Variants in LYRM7 observed in about 807,000 individuals in gnomAD.
LYRM7 encodes LYR motif containing 7.
Under a neutral mutation model 15.8 loss-of-function variants are expected in LYRM7, and 9 were observed. That is an observed-to-expected ratio of 0.57 (90% CI 0.34 to 0.99). The LOEUF is 0.99. Among genes scored for constraint, LYRM7 ranks in the 50% least tolerant of loss-of-function variants. LYRM7 has a pLI of 0.02. For missense variants in LYRM7, 115 were observed against 119.1 expected (o/e 0.97, Z 0.16); for synonymous variants, 39 against 39.4 (o/e 0.99, Z 0.04).
At chr5:131,179,455 C>CTTTTTTTTTTTTTTTTCT (rs1755654309) in intron 1 of LYRM7, among the ~76,000 whole-genome samples, 1 of 95,358 alleles carries the variant, frequency 1.0e-5, no homozygotes, top group African/African-American at 4.2e-5. Flanking sequence ...TTTTTCTTTT[C>CTTTTTTTTTTTTTTTTCT]TTTTTTTTTT....
At position 131,203,979 on chromosome 5, in the gene LYRM7, A is replaced by C. The variant is rs750227730; in HGVS notation, c.*4378A>C. On this transcript the variant is annotated 3_prime_UTR_variant, in exon 5 of 5. Transcript: ENST00000379380. ...AAATTAAAATGAAACATGTTTGTTC[A>C]TCAAGTTGTCACAAGTTAGACAATC... 2.0e-5 allele frequency: 3 copies of C among 152,246 alleles called. No homozygotes were observed. Among genetic ancestry groups the C allele is most frequent in the Non-Finnish European group, 4.4e-5 (3 of 68,034 alleles). 9.4% of individuals were successfully genotyped at this position (152,246 alleles called of 1,614,324 possible). A position where few individuals can be genotyped will look rare whatever the true frequency, so the allele number is the denominator to read the frequency against.
chr5:131,176,008 C>T (rs1022855423), intron 1 of LYRM7, among the ~76,000 whole-genome samples: 8 of 152,326 alleles, frequency 5.3e-5, no homozygotes, highest in Non-Finnish European at 8.8e-5. Flanking sequence ...GATCCACCCA[C>T]CTCAGCTTCC....
At chr5:131,177,077 TTTC>T (rs1237856802) in intron 1 of LYRM7, among the ~76,000 whole-genome samples, 1 of 152,184 alleles carries the variant, frequency 6.6e-6, no homozygotes, top group Non-Finnish European at 1.5e-5. Context: ...TTTTTTCCCA[TTTC>T]TTCATCTTTA....
intron 3 of LYRM7, among the ~76,000 whole-genome samples, chr5:131,185,400 C>T (rs1475873392): frequency 1.3e-5 from 2 of 152,082 alleles, no homozygotes; most frequent in African/African-American, 4.8e-5. Context: ...ATGCTGTTGC[C>T]TCTTCTTGGG....
intron 4 of LYRM7, among the ~76,000 whole-genome samples, chr5:131,189,960 CT>C (rs1450035932): frequency 6.6e-6 from 1 of 151,728 alleles, no homozygotes; most frequent in Non-Finnish European, 1.5e-5. Flanking sequence ...TAGTAAAACC[CT>C]GTCTCTACCA....
rs553865760 is a variant in LYRM7, at chr5:131,181,418, T to A, written c.92-811T>A. On this transcript the variant is annotated intron_variant, in intron 2 of 4. Transcript: ENST00000379380. ...TATATTATATATACATATATATGTT[T>A]ATATATATATAACATATATATGTAT... 3.5e-3 allele frequency among the ~76,000 whole-genome samples: 397 copies of A among 113,328 alleles called. 5 individuals carry two copies. The highest frequency in any genetic ancestry group is 0.011 in the African/African-American group (247 of 21,780). The allele number at this position is 113,328 out of a possible 152,430, so 74.3% of individuals were successfully genotyped here. A position where few individuals can be genotyped will look rare whatever the true frequency, so the allele number is the denominator to read the frequency against.
intron 3 of LYRM7, among the ~76,000 whole-genome samples, chr5:131,184,530 C>T (rs1030453009): frequency 6.6e-5 from 10 of 151,952 alleles, no homozygotes; most frequent in African/African-American, 2.4e-4. Context: ...TACGCCTTGA[C>T]ATGAGGTAAT....
Position 131,187,062 on chromosome 5 carries a change from T to G in LYRM7, c.197T>G (p.Leu66Arg). ...MKIGSDVELL[L>R]RTSVIQGIHT... Reference sequence around the variant, plus strand: ...ATAGGTTCTGATGTTGAATTATTACTCAGAACATCTGTTATACAAGGTATT... The same window carrying G: ...ATAGGTTCTGATGTTGAATTATTACGCAGAACATCTGTTATACAAGGTATT... The change falls in exon 4 of 5, where the codon CTC becomes CGC. Residue 66 changes from leucine (L) to arginine (R), a missense_variant. By Grantham distance (102) the Leu-to-Arg change is moderately radical (BLOSUM62 -2). Coordinates refer to ENST00000379380, the MANE Select transcript of LYRM7 (RefSeq NM_181705.4). 6.4e-7 allele frequency: 1 copy of G among 1,562,906 alleles called. No homozygotes were observed. Among genetic ancestry groups the G allele is most frequent in the Non-Finnish European group, 8.7e-7 (1 of 1,147,342 alleles).
intron 1 of LYRM7, among the ~76,000 whole-genome samples, chr5:131,177,369 G>T (rs551029563): frequency 6.6e-6 from 1 of 152,226 alleles, no homozygotes; most frequent in East Asian, 1.9e-4. Flanking sequence ...TTCCTTTTGT[G>T]ATTCATTTCC....
chr5:131,186,480 G>A (rs751339111), intron 3 of LYRM7, among the ~76,000 whole-genome samples: 19 of 152,106 alleles, frequency 1.2e-4, no homozygotes, highest in Non-Finnish European at 2.1e-4. Flanking sequence ...TATCATTGGG[G>A]AATACATTTT....
chr5:131,181,330 CAT>C lies in LYRM7; in HGVS notation c.92-891_92-890del, dbSNP rs1207509916. 1.2e-3 allele frequency among the ~76,000 whole-genome samples: 63 copies of C among 52,384 alleles called. 3 individuals carry two copies. Among genetic ancestry groups the C allele is most frequent in the Admixed American group, 4.9e-3 (13 of 2,652 alleles). 34.4% of individuals were successfully genotyped at this position (52,384 alleles called of 152,430 possible). A position where few individuals can be genotyped will look rare whatever the true frequency, so the allele number is the denominator to read the frequency against. On this transcript the variant is annotated intron_variant, in intron 2 of 4. Coordinates refer to ENST00000379380, the MANE Select transcript of LYRM7 (RefSeq NM_181705.4). ...ATATATATATATACACACACACACA[CAT>C]ATATATAACATATATGTTATATATA...
At chr5:131,181,610 A>G (rs1205570635) in intron 2 of LYRM7, among the ~76,000 whole-genome samples, 1 of 151,156 alleles carries the variant, frequency 6.6e-6, no homozygotes, top group Non-Finnish European at 1.5e-5. Context: ...TTTGTTGCAT[A>G]TTTGCTAAGC....
At chr5:131,178,657 C>T (rs1249274217) in intron 1 of LYRM7, among the ~76,000 whole-genome samples, 1 of 152,038 alleles carries the variant, frequency 6.6e-6, no homozygotes, top group Non-Finnish European at 1.5e-5. Flanking sequence ...TTTCACTTAT[C>T]TTTTATGAAA....
intron 4 of LYRM7, among the ~76,000 whole-genome samples, chr5:131,194,633 T>C (rs1349441049): frequency 6.6e-6 from 1 of 152,136 alleles, no homozygotes; most frequent in East Asian, 1.9e-4. Flanking sequence ...AGAAGAGAAG[T>C]AGCATTGGTA....
At chr5:131,190,941 T>A (rs932294089) in intron 4 of LYRM7, among the ~76,000 whole-genome samples, 5 of 152,152 alleles carry the variant, frequency 3.3e-5, no homozygotes, top group African/African-American at 1.2e-4. Context: ...ATATTATTTT[T>A]ATCATATGAA....
At chr5:131,179,474 T>TTTTTTTTTTTTTTTTTTTTTC (rs1755656398) in intron 1 of LYRM7, among the ~76,000 whole-genome samples, 2 of 23,488 alleles carry the variant, frequency 8.5e-5, no homozygotes, top group East Asian at 2.5e-3. Context: ...TTTTTTTTTC[T>TTTTTTTTTTTTTTTTTTTTTC]TTTTTTTTTT....
intron 1 of LYRM7, among the ~76,000 whole-genome samples, chr5:131,179,769 C>A (rs1755661340): frequency 6.6e-6 from 1 of 152,006 alleles, no homozygotes; most frequent in Non-Finnish European, 1.5e-5. Context: ...AACCTTGTCT[C>A]TACTAAAAAT....
At position 131,186,892 on chromosome 5, in the gene LYRM7, A is replaced by G. The variant is rs72787006; in HGVS notation, c.163-136A>G. 0.14 allele frequency: 79,861 copies of G among 588,782 alleles called. 6,258 individuals carry two copies. Among genetic ancestry groups the G allele is most frequent in the African/African-American group, 0.27 (14,040 of 51,734 alleles). 36.5% of individuals were successfully genotyped at this position (588,782 alleles called of 1,614,324 possible). On this transcript the variant is annotated intron_variant, in intron 3 of 4. Coordinates refer to ENST00000379380, the MANE Select transcript of LYRM7 (RefSeq NM_181705.4). ...ATTTTCAGACCACAGTTGACCACGG[A>G]TAACTGAAACTGCAGATAAGGAGAA...
At chr5:131,174,925 T>G (rs1193952250) in intron 1 of LYRM7, among the ~76,000 whole-genome samples, 1 of 152,160 alleles carries the variant, frequency 6.6e-6, no homozygotes, top group Non-Finnish European at 1.5e-5. Flanking sequence ...TTGGCAGTCA[T>G]GAAAACAATA....
Sources: allele counts gnomAD v4.1 joint callset (sites outside exome capture counted in the v4.1 genomes callset), GRCh38; gene constraint gnomAD v4.1.1; transcripts MANE v1.5; gene names NCBI Gene and HGNC (gene_info 2026-07-23, HGNC 2026-07-21).